The following NPAS3 variants were observed in gnomAD, a reference collection of about 807,000 sequenced individuals.
The protein encoded by NPAS3 is neuronal PAS domain-containing protein 3.
In NPAS3, 14 loss-of-function variants were observed where a neutral mutation model predicts 73.1. That is an observed-to-expected ratio of 0.19 (90% confidence interval 0.13 to 0.30). NPAS3 has a LOEUF of 0.30. NPAS3 is among the 10% of genes least tolerant of loss of function. The pLI, the probability that NPAS3 is intolerant of heterozygous loss-of-function variation, is 1.00. For synonymous variants in NPAS3, 620 were observed against 541.5 expected (o/e 1.14, Z -2.01); for missense variants, 1,096 against 1,250.0 (o/e 0.88, Z 1.86).
At chr14:33,579,151 G>A (rs929923900) in intron 5 of NPAS3, among the ~76,000 whole-genome samples, 3 of 152,234 alleles carry the variant, frequency 2.0e-5, no homozygotes, top group African/African-American at 7.2e-5. Flanking sequence ...ACCAACACCA[G>A]CTAGAAAGTG....
At chr14:33,694,505 T>C (rs2060320333) in intron 6 of NPAS3, among the ~76,000 whole-genome samples, 1 of 152,194 alleles carries the variant, frequency 6.6e-6, no homozygotes, top group African/African-American at 2.4e-5. Context: ...ATTGGTATTC[T>C]ACACAAGAAG....
chr14:33,122,551 TAC>T (rs2043269068), intron 2 of NPAS3, among the ~76,000 whole-genome samples: 1 of 152,160 alleles, frequency 6.6e-6, no homozygotes, highest in African/African-American at 2.4e-5. Context: ...GTTCTGCTAA[TAC>T]TATTATCAGT....
chr14:33,783,601 G>T (rs866783972), intron 9 of NPAS3, among the ~76,000 whole-genome samples: 2 of 142,988 alleles, frequency 1.4e-5, no homozygotes, highest in Admixed American at 6.9e-5. Context: ...GGGGTGGTGT[G>T]GGGGGGCGGG....
chr14:33,071,083 C>T (rs1421093382), intron 2 of NPAS3, among the ~76,000 whole-genome samples: 2 of 152,096 alleles, frequency 1.3e-5, no homozygotes, highest in Non-Finnish European at 2.9e-5. Context: ...ACAACTTACC[C>T]CCATGACACA....
chr14:33,800,856 C>T lies in NPAS3; in HGVS notation c.2549C>T (p.Ala850Val). 1 of 1,605,776 alleles carries T rather than the reference C, an allele frequency of 6.2e-7. No individual in the cohort carries two copies. Among genetic ancestry groups the T allele is most frequent in the African/African-American group, 1.3e-5 (1 of 74,954 alleles). Residue 850 changes from alanine (A) to valine (V), a missense_variant, in exon 12 of 12, where the codon GCT becomes GTT. Transcript: ENST00000356141. The surrounding 1 kb of genome is among the most constrained non-coding windows in gnomAD (Gnocchi z 6.5). ...AGCAACCTGCTGCCCAACGCGCACG[C>T]TGTTAACTTCGTGGACGTTAACAGC...
At chr14:33,764,488 A>C (rs765460701) in intron 7 of NPAS3, among the ~76,000 whole-genome samples, 2 of 152,248 alleles carry the variant, frequency 1.3e-5, no homozygotes, top group Non-Finnish European at 2.9e-5. Flanking sequence ...GGTTCTAAAG[A>C]AAATGCATCA....
chr14:33,571,429 T>C (rs2056211646), intron 5 of NPAS3, among the ~76,000 whole-genome samples: 1 of 152,144 alleles, frequency 6.6e-6, no homozygotes, highest in South Asian at 2.1e-4. Context: ...CAAAGGAATT[T>C]AGTTGAGCAG....
At chr14:33,224,293 A>G (rs578151456) in intron 3 of NPAS3, among the ~76,000 whole-genome samples, 1 of 152,312 alleles carries the variant, frequency 6.6e-6, no homozygotes, top group South Asian at 2.1e-4. Context: ...AGCATAGCAA[A>G]GAAGGACTCA....
intron 7 of NPAS3, among the ~76,000 whole-genome samples, chr14:33,767,540 A>G (rs2062502773): frequency 2.0e-5 from 3 of 150,844 alleles, no homozygotes. Flanking sequence ...GTAAATTTGG[A>G]TTCCCTTAAA....
At chr14:33,295,389 A>G (rs1324444936) in intron 3 of NPAS3, among the ~76,000 whole-genome samples, 3 of 152,322 alleles carry the variant, frequency 2.0e-5, no homozygotes, top group Non-Finnish European at 4.4e-5. Context: ...AAAGCCTGCC[A>G]CTGTGTACTC....
At chr14:33,374,083 GAGA>G (rs2046214808) in intron 4 of NPAS3, among the ~76,000 whole-genome samples, 1 of 152,290 alleles carries the variant, frequency 6.6e-6, no homozygotes, top group Admixed American at 6.5e-5. Flanking sequence ...AAAAATGATA[GAGA>G]AGAAGGGAGC....
chr14:33,658,697 A>G (rs2059220206), intron 5 of NPAS3, among the ~76,000 whole-genome samples: 1 of 152,122 alleles, frequency 6.6e-6, no homozygotes, highest in African/African-American at 2.4e-5. Context: ...CAGGGGGAGG[A>G]TGGGGAAGGA....
At chr14:33,692,854 A>G (rs1172185216) in intron 6 of NPAS3, among the ~76,000 whole-genome samples, 1 of 149,420 alleles carries the variant, frequency 6.7e-6, no homozygotes, top group Non-Finnish European at 1.5e-5. Flanking sequence ...AAAAAAAAAA[A>G]AAAAAAAAAG....
At chr14:33,557,174 G>A (rs1009864179) in intron 4 of NPAS3, among the ~76,000 whole-genome samples, 7 of 95,058 alleles carry the variant, frequency 7.4e-5, no homozygotes, top group African/African-American at 1.8e-4. Flanking sequence ...GTGAGGTTCC[G>A]CTATACTACA....
chr14:33,784,458 A>T (rs2063080387), intron 9 of NPAS3, among the ~76,000 whole-genome samples: 1 of 152,200 alleles, frequency 6.6e-6, no homozygotes, highest in South Asian at 2.1e-4. Flanking sequence ...TAAGGGGAGG[A>T]TGGAGAAAAA....
intron 2 of NPAS3, among the ~76,000 whole-genome samples, chr14:33,183,593 C>T (rs898294049): frequency 2.0e-5 from 3 of 151,748 alleles, no homozygotes; most frequent in Non-Finnish European, 2.9e-5. Context: ...CTAGACAGAC[C>T]CACATCTCCC....
intron 4 of NPAS3, among the ~76,000 whole-genome samples, chr14:33,489,103 C>A (rs1330482054): frequency 6.6e-6 from 1 of 151,918 alleles, no homozygotes; most frequent in African/African-American, 2.4e-5. Flanking sequence ...GGTTTTTTTT[C>A]TTTGATAGTT....
chr14:33,429,795 A>G (rs2048706753), intron 4 of NPAS3, among the ~76,000 whole-genome samples: 1 of 152,170 alleles, frequency 6.6e-6, no homozygotes. Context: ...TTATGATGAT[A>G]TGTGCTGCCT....
At position 33,640,582 on chromosome 14, in the gene NPAS3, T is replaced by C. The variant is rs78067236; in HGVS notation, c.559-35629T>C. Reference sequence around the variant, plus strand: ...TTTGATTTCAACCATGATATCTATATATAAATTGATCATGAAAATTTAAAC... The same window carrying C: ...TTTGATTTCAACCATGATATCTATACATAAATTGATCATGAAAATTTAAAC... On this transcript the variant is annotated intron_variant, in intron 5 of 11. Transcript: ENST00000356141. Among the ~76,000 whole-genome samples the C allele has an allele frequency of 9.3e-3, 1,412 of 152,340 alleles. 43 individuals are homozygous for C. In the East Asian group the frequency reaches 0.12, roughly 13 times the overall value.
Sources: gnomAD v4.1 joint callset for allele counts (sites outside exome capture counted in the v4.1 genomes callset) on GRCh38, gnomAD v4.1.1 for gene constraint, Gnocchi (gnomAD v3.1) non-coding constraint, MANE v1.5 for transcripts, NCBI Gene and HGNC (gene_info 2026-07-23, HGNC 2026-07-21) for gene names.